The following RGSL1 variants were observed in gnomAD, a reference collection of about 807,000 sequenced individuals.
RGSL1 encodes regulator of G protein signaling like 1, also known as regulator of G protein signaling protein-like.
A neutral mutation model predicts 124.7 loss-of-function variants in RGSL1; 97 were observed. The ratio of observed to expected loss-of-function variants is 0.78; its 90% CI spans 0.66 to 0.92. RGSL1 has a LOEUF of 0.92. Among genes scored for constraint, RGSL1 ranks in the 40% least tolerant of loss-of-function variants. The pLI, the probability that RGSL1 is intolerant of heterozygous loss-of-function variation, is 0.00. For synonymous variants in RGSL1, 424 were observed against 438.1 expected (o/e 0.97, Z 0.40); for missense variants, 1,233 against 1,288.4 (o/e 0.96, Z 0.66).
At chr1:182,521,582 C>T (rs1658342682) in intron 9 of RGSL1, among the ~76,000 whole-genome samples, 1 of 152,132 alleles carries the variant, frequency 6.6e-6, no homozygotes, top group African/African-American at 2.4e-5. Context: ...TGAAAGTTTG[C>T]TTATTACAAA....
chr1:182,501,326 T>C (rs1263927209), intron 9 of RGSL1, among the ~76,000 whole-genome samples: 5 of 120,034 alleles, frequency 4.2e-5, no homozygotes, highest in African/African-American at 1.8e-4. Context: ...TTTTTTTTTT[T>C]TTTTTTTTTT....
chr1:182,490,782 C>A lies in RGSL1; in HGVS notation c.1717+1580C>A, dbSNP rs1655460477. ...CATATCATTACTTCCTCTATCACTG[C>A]TTTTTTGGAGCACAAGTCTGGCCTA... On this transcript the variant is annotated intron_variant, in intron 8 of 21. Coordinates refer to ENST00000294854, the MANE Select transcript of RGSL1 (RefSeq NM_001137669.2). 2.0e-5 allele frequency among the ~76,000 whole-genome samples: 3 copies of A among 152,116 alleles called. No homozygotes were observed. In the South Asian group the frequency reaches 6.2e-4, roughly 32 times the overall value.
Position 182,488,277 on chromosome 1 carries a change from G to A in RGSL1, c.1432-8G>A. 1.9e-6 allele frequency: 3 copies of A among 1,552,092 alleles called. No individual in the cohort carries two copies. The highest frequency in any genetic ancestry group is 2.6e-6 in the Non-Finnish European group (3 of 1,147,036). ...CCTCATAATGCATATGCTGTGTTTG[G>A]TTTTCAGATGCTCAGTCCCTGGTAT... On this transcript the variant is annotated splice_polypyrimidine_tract_variant and splice_region_variant and intron_variant, in intron 6 of 21. Transcript: ENST00000294854.
chr1:182,481,915 C>G (rs922083306), intron 6 of RGSL1, among the ~76,000 whole-genome samples: 3 of 152,130 alleles, frequency 2.0e-5, no homozygotes, highest in Admixed American at 2.0e-4. Flanking sequence ...TTTGAAGCTG[C>G]AGTGAGCCAT....
chr1:182,552,234 C>T (rs907863263), intron 18 of RGSL1, among the ~76,000 whole-genome samples: 5 of 152,032 alleles, frequency 3.3e-5, no homozygotes, highest in African/African-American at 1.2e-4. Context: ...CTGCCTCAGC[C>T]TCCCGGGTAG....
chr1:182,530,874 C>T lies in RGSL1; in HGVS notation c.2328C>T (p.Pro776=). 6.5e-7 allele frequency: 1 copy of T among 1,549,820 alleles called. No homozygotes were observed. The highest frequency in any genetic ancestry group is 8.7e-7 in the Non-Finnish European group (1 of 1,145,978). The part of the protein sequence containing the change: ...QSEVQISSRK[P]SKIVSTYLQE... ...AAGTACAAATTTCGTCTAGGAAGCC[C>T]TCAAAGATAGTGTCAACTTACCTAC... Residue 776 remains proline, a synonymous_variant, in exon 13 of 22, where the codon CCC becomes CCT. Coordinates refer to ENST00000294854, the MANE Select transcript of RGSL1 (RefSeq NM_001137669.2).
intron 8 of RGSL1, among the ~76,000 whole-genome samples, chr1:182,490,794 A>C (rs1255439323): frequency 2.6e-5 from 4 of 152,168 alleles, no homozygotes; most frequent in African/African-American, 7.2e-5. Context: ...TTTTTGGAGC[A>C]CAAGTCTGGC....
Position 182,493,025 on chromosome 1 carries a change from TA to T in RGSL1, c.1723del (p.Thr575LeufsTer34). 1 of 1,546,630 alleles carries T rather than the reference TA, an allele frequency of 6.5e-7. No individual in the cohort carries two copies. The highest frequency in any genetic ancestry group is 8.8e-7 in the Non-Finnish European group (1 of 1,142,218). On this transcript the variant is annotated frameshift_variant, in exon 9 of 22. Coordinates refer to ENST00000294854, the MANE Select transcript of RGSL1 (RefSeq NM_001137669.2). LOFTEE classifies it high-confidence loss of function. Reference sequence around the variant, plus strand: ...TCTGTTTTTCCTTACTTCACAGACATAACTAAAATGTCCTTTGAGGAGCTTT... The same window carrying T: ...TCTGTTTTTCCTTACTTCACAGACATACTAAAATGTCCTTTGAGGAGCTTT... Reference protein sequence around the residue: ...ELTSPVFLTDITKMSFEELCY... With the variant: ...ELTSPVFLTDXTKMSFEELCY...
intron 9 of RGSL1, among the ~76,000 whole-genome samples, chr1:182,498,467 A>G (rs2102136230): frequency 6.6e-6 from 1 of 152,320 alleles, no homozygotes; most frequent in African/African-American, 2.4e-5. Context: ...CTGCAATCAG[A>G]TCTTATTAGT....
chr1:182,508,275 G>T (rs1234334332), intron 9 of RGSL1, among the ~76,000 whole-genome samples: 10 of 134,680 alleles, frequency 7.4e-5, no homozygotes, highest in Admixed American at 3.1e-4. Flanking sequence ...GGTGATGGTT[G>T]TTGGTGGTGG....
intron 6 of RGSL1, among the ~76,000 whole-genome samples, chr1:182,480,929 A>T (rs1419441116): frequency 6.6e-6 from 1 of 152,222 alleles, no homozygotes; most frequent in Non-Finnish European, 1.5e-5. Flanking sequence ...TAAAAATAAC[A>T]TACCAAAACT....
At chr1:182,489,921 T>G (rs1655393964) in intron 8 of RGSL1, among the ~76,000 whole-genome samples, 1 of 152,226 alleles carries the variant, frequency 6.6e-6, no homozygotes, top group African/African-American at 2.4e-5. Context: ...AAATTGAGCA[T>G]AGTGCTTTAA....
intron 4 of RGSL1, among the ~76,000 whole-genome samples, chr1:182,464,070 A>T (rs998475130): frequency 2.6e-5 from 4 of 152,228 alleles, no homozygotes; most frequent in African/African-American, 7.2e-5. Context: ...GAAAATTCAC[A>T]AAATTGTGGA....
chr1:182,556,141 G>C lies in RGSL1; in HGVS notation c.*84G>C. The C allele has an allele frequency of 7.5e-7, 1 of 1,329,850 alleles. No homozygotes were observed. The allele number at this position is 1,329,850 out of a possible 1,614,324, so 82.4% of individuals were successfully genotyped here. ...AAACTTTTCTGGTCAAAAATGAAAGGTCCTGGTACCATCTTCCCCAGAAAC... is the reference window on the plus strand; with the variant it reads ...AAACTTTTCTGGTCAAAAATGAAAGCTCCTGGTACCATCTTCCCCAGAAAC... On this transcript the variant is annotated 3_prime_UTR_variant, in exon 21 of 22. Coordinates refer to ENST00000294854, the MANE Select transcript of RGSL1 (RefSeq NM_001137669.2).
At chr1:182,528,388 CA>C (rs1257289568) in intron 11 of RGSL1, among the ~76,000 whole-genome samples, 1 of 152,168 alleles carries the variant, frequency 6.6e-6, no homozygotes, top group Admixed American at 6.5e-5. Context: ...CATGCCCTTC[CA>C]ACATTCCGCC....
chr1:182,484,505 A>T (rs1227904217), intron 6 of RGSL1, among the ~76,000 whole-genome samples: 1 of 152,162 alleles, frequency 6.6e-6, no homozygotes, highest in African/African-American at 2.4e-5. Context: ...GGAGGGATAG[A>T]TGGAGCAGTT....
At chr1:182,478,533 A>G (rs1166073843) in intron 6 of RGSL1, among the ~76,000 whole-genome samples, 1 of 152,174 alleles carries the variant, frequency 6.6e-6, no homozygotes, top group African/African-American at 2.4e-5. Context: ...AAATGAACTC[A>G]AAGACAGATC....
chr1:182,539,593 C>A (rs1353890931), intron 14 of RGSL1, among the ~76,000 whole-genome samples: 3 of 152,166 alleles, frequency 2.0e-5, no homozygotes. Context: ...AGCCAGATAA[C>A]TAACTAGGGT....
chr1:182,469,447 A>T (rs952091068), intron 4 of RGSL1, among the ~76,000 whole-genome samples: 18 of 152,174 alleles, frequency 1.2e-4, no homozygotes, highest in Non-Finnish European at 1.9e-4. Flanking sequence ...GGAAACACAA[A>T]TCAAAACTAT....
Sources: gnomAD v4.1 joint callset for allele counts (sites outside exome capture counted in the v4.1 genomes callset) on GRCh38, gnomAD v4.1.1 for gene constraint, MANE v1.5 for transcripts, NCBI Gene and HGNC (gene_info 2026-07-23, HGNC 2026-07-21) for gene names.